CCDC88C: variants seen among roughly 807,000 people sequenced by gnomAD.
CCDC88C encodes protein Daple.
In CCDC88C, 131 loss-of-function variants were observed where a neutral mutation model predicts 198.8. That is an observed-to-expected ratio of 0.66 (90% CI 0.57 to 0.76). CCDC88C has a LOEUF of 0.76. Among genes scored for constraint, CCDC88C ranks in the 30% least tolerant of loss-of-function variants. CCDC88C has a pLI of 0.00. For missense variants in CCDC88C, 2,553 were observed against 2,631.6 expected, an observed-to-expected ratio of 0.97 and a Z score of 0.65; for synonymous variants, 1,166 against 1,114.7, an observed-to-expected ratio of 1.05 and a Z score of -0.92.
intron 14 of CCDC88C, among the ~76,000 whole-genome samples, chr14:91,315,155 G>A (rs1223727276): frequency 6.6e-6 from 1 of 152,032 alleles, no homozygotes; most frequent in African/African-American, 2.4e-5. Flanking sequence ...TTAGGGATGT[G>A]CAGCAGCCAC....
In CCDC88C at chr14:91,352,591, C is replaced by T. The variant is rs182873031; in HGVS notation, c.340+7051G>A. ...CAAGATTAGCTTTTTCTTATTTCTTCCCTCCCATTCAAACGCCCAAAACGT... is the reference window on the plus strand; with the variant it reads ...CAAGATTAGCTTTTTCTTATTTCTTTCCTCCCATTCAAACGCCCAAAACGT... On this transcript the variant is annotated intron_variant, in intron 4 of 29. Transcript: ENST00000389857. The surrounding 1 kb of genome is among the most constrained non-coding windows in gnomAD (Gnocchi z 4.2). Among the ~76,000 whole-genome samples the T allele has an allele frequency of 7.7e-3, 1,169 of 152,300 alleles. 6 individuals are homozygous for T. The highest frequency in any genetic ancestry group is 0.02 in the Middle Eastern group (6 of 294).
chr14:91,340,417 GC>G (rs776156454), intron 6 of CCDC88C, among the ~76,000 whole-genome samples: 49 of 152,290 alleles, frequency 3.2e-4, no homozygotes, highest in Admixed American at 2.2e-3. Flanking sequence ...TATGCAAACA[GC>G]AAAAATATTA....
chr14:91,369,728 G>A (rs1050976808), intron 3 of CCDC88C, among the ~76,000 whole-genome samples: 3 of 152,156 alleles, frequency 2.0e-5, no homozygotes, highest in Non-Finnish European at 4.4e-5. Flanking sequence ...GAGTGGCAAT[G>A]AAGTGCTTTT....
In CCDC88C at chr14:91,362,262, C is replaced by T. The variant is rs1246609627; in HGVS notation, c.271-2551G>A. ...AAAAAAAAAAAGAAAAAAAAGACTA[C>T]GTTCCAGTGTTCCAGTCAACCCAAA... On this transcript the variant is annotated intron_variant, in intron 3 of 29. Transcript: ENST00000389857. Among the ~76,000 whole-genome samples the T allele has an allele frequency of 4.6e-5, 7 of 151,554 alleles. No homozygotes were observed. In the South Asian group the frequency reaches 6.2e-4, roughly 13 times the overall value.
chr14:91,294,253 C>G lies in CCDC88C; in HGVS notation c.4032G>C (p.Leu1344=), dbSNP rs372994123. Residue 1344 remains leucine (L), a synonymous_variant, in exon 23 of 30, where the codon CTG becomes CTC. Transcript: ENST00000389857. ...ENHHLLSQIQ[L]LSQQNQMLLE... is the part of the protein sequence containing the mutation. ...GAAGCATCTGGTTCTGCTGGCTCAA[C>G]AGCTGGATCTGGCTCAGGAGGTGAT... 51 of 1,613,934 alleles carry G rather than the reference C, an allele frequency of 3.2e-5. No individual in the cohort carries two copies. The African/African-American group carries it at 6.8e-4, about 22-fold the overall frequency.
At chr14:91,357,637 C>T (rs1462414314) in intron 4 of CCDC88C, among the ~76,000 whole-genome samples, 1 of 152,202 alleles carries the variant, frequency 6.6e-6, no homozygotes, top group African/African-American at 2.4e-5. Context: ...ACTAAGCTAC[C>T]GCCAACCTCT....
chr14:91,292,652 C>T (rs989790494), intron 23 of CCDC88C, among the ~76,000 whole-genome samples: 3 of 152,110 alleles, frequency 2.0e-5, no homozygotes, highest in Non-Finnish European at 4.4e-5. Flanking sequence ...ACCACAAGCA[C>T]GTCCCTTCTT....
intron 3 of CCDC88C, among the ~76,000 whole-genome samples, chr14:91,366,060 T>C (rs1469767327): frequency 6.6e-6 from 1 of 152,148 alleles, no homozygotes; most frequent in Non-Finnish European, 1.5e-5. Flanking sequence ...ATTTTCTAAA[T>C]ATTCTGTAAA....
At position 91,313,706 on chromosome 14, in the gene CCDC88C, C is replaced by T. The variant is rs376264952; in HGVS notation, c.2110G>A (p.Ala704Thr). 12 of 1,610,876 alleles carry T rather than the reference C, an allele frequency of 7.4e-6. No homozygotes were observed. Among genetic ancestry groups the T allele is most frequent in the South Asian group, 2.2e-5 (2 of 91,082 alleles). The change falls in exon 15 of 30, where the codon GCA becomes ACA. Residue 704 changes from alanine (A) to threonine (T), a missense_variant. Ala to Thr is a moderately conservative substitution (Grantham distance 58, BLOSUM62 0). This residue lies in a region of CCDC88C where 1,260 missense variants were observed against 1,412.0 expected (regional missense o/e 0.89). Coordinates refer to ENST00000389857, the MANE Select transcript of CCDC88C (RefSeq NM_001080414.4). The surrounding 1 kb of genome is among the most constrained non-coding windows in gnomAD (Gnocchi z 5.2). ...GLERDNKQLD[A>T]ENLELRRLVE... ...AGCCTGCGCAGCTCCAGGTTCTCTG[C>T]GTCCAGCTGCTTGTTGTCACGCTCC...
intron 23 of CCDC88C, 58 bp from the exon 24 acceptor site, chr14:91,291,142 T>A: frequency 2.0e-6 from 2 of 1,019,492 alleles, no homozygotes; most frequent in East Asian, 5.2e-5. Context: ...ACAAGTGAAT[T>A]TACTCATCGG....
At chr14:91,282,503 A>G (rs1005108993) in intron 26 of CCDC88C, among the ~76,000 whole-genome samples, 6 of 151,980 alleles carry the variant, frequency 3.9e-5, no homozygotes, top group African/African-American at 1.5e-4. Flanking sequence ...TTGCTTTTTT[A>G]TAGCATCCTG....
chr14:91,410,549 G>A (rs982706126), intron 2 of CCDC88C, among the ~76,000 whole-genome samples: 17 of 152,308 alleles, frequency 1.1e-4, no homozygotes, highest in African/African-American at 3.8e-4. Flanking sequence ...TTGGAGTCAT[G>A]CATAACTGAG....
chr14:91,334,677 T>G (rs938807027), intron 10 of CCDC88C, among the ~76,000 whole-genome samples: 1 of 152,222 alleles, frequency 6.6e-6, no homozygotes, highest in African/African-American at 2.4e-5. Flanking sequence ...CATATAAACC[T>G]GGGCACACAC....
rs1048869932 is a variant in CCDC88C, at chr14:91,388,319, C to T, written c.270+20340G>A. ...CTCACCATGTGGCCTCAGCCCACCC[C>T]CCGCTCCACCTCCCATGTAAAATGA... On this transcript the variant is annotated intron_variant, in intron 3 of 29. Transcript: ENST00000389857. Among the ~76,000 whole-genome samples, 6 of 152,174 alleles carry T rather than the reference C, an allele frequency of 3.9e-5. No individual in the cohort carries two copies. In the South Asian group the frequency reaches 1.2e-3, roughly 32 times the overall value.
At position 91,272,566 on chromosome 14, in the gene CCDC88C, C is replaced by G. The variant is rs986920199; in HGVS notation, c.*59G>C. The stretch of plus-strand genomic sequence containing the variant: ...ACCGCAGGCAAGCAAGAGAAAAGGC[C>G]GTGAGAGTCGGAAGGCGCGTCAGTA... On this transcript the variant is annotated 3_prime_UTR_variant, in exon 30 of 30. Transcript: ENST00000389857. 3.3e-6 allele frequency: 5 copies of G among 1,525,636 alleles called. No homozygotes were observed. The Admixed American group carries it at 9.2e-5, about 28-fold the overall frequency. 94.5% of individuals were successfully genotyped at this position (1,525,636 alleles called of 1,614,324 possible).
chr14:91,351,197 C>T (rs749109535), intron 4 of CCDC88C, among the ~76,000 whole-genome samples: 37 of 152,232 alleles, frequency 2.4e-4, no homozygotes, highest in Non-Finnish European at 4.7e-4. Context: ...ACATTCTCTT[C>T]TCTTCTGGCT....
intron 10 of CCDC88C, among the ~76,000 whole-genome samples, chr14:91,330,487 C>T (rs961651650): frequency 6.6e-5 from 10 of 152,120 alleles, no homozygotes; most frequent in African/African-American, 1.9e-4. Flanking sequence ...GGAGGCACTC[C>T]GCAGGCAGAC....
rs57281083 is a variant in CCDC88C at position 91,366,153 on chromosome 14, T to TACACACACAC, written c.271-6452_271-6443dup. Reference sequence around the variant, plus strand: ...GAACATGACAGACCTACTTAAAAAATACACACACACACACACACACACACA... The same window carrying TACACACACAC: ...GAACATGACAGACCTACTTAAAAAATACACACACACACACACACACACACACACACACACA... On this transcript the variant is annotated intron_variant, in intron 3 of 29. Transcript: ENST00000389857. 3.7e-3 allele frequency among the ~76,000 whole-genome samples: 502 copies of TACACACACAC among 136,440 alleles called. 6 individuals are homozygous for TACACACACAC. The highest frequency in any genetic ancestry group is 9.4e-3 in the East Asian group (41 of 4,378). 89.5% of individuals were successfully genotyped at this position (136,440 alleles called of 152,430 possible).
intron 3 of CCDC88C, among the ~76,000 whole-genome samples, chr14:91,389,761 GA>G (rs1007814029): frequency 2.7e-5 from 4 of 147,434 alleles, no homozygotes; most frequent in East Asian, 2.0e-4. Flanking sequence ...ACGAAAGAAA[GA>G]AAAAAAAAGA....
Sources: gnomAD v4.1 joint callset for allele counts (sites outside exome capture counted in the v4.1 genomes callset) on GRCh38, gnomAD v4.1.1 for gene constraint, gnomAD v4.1.1 regional missense constraint, Gnocchi (gnomAD v3.1) non-coding constraint, MANE v1.5 for transcripts, NCBI Gene and HGNC (gene_info 2026-07-23, HGNC 2026-07-21) for gene names.